The following TOX2 variants were observed in gnomAD, a reference collection of about 807,000 sequenced individuals.
The protein encoded by TOX2 is TOX high mobility group box family member 2, also known as granulosa cell HMG box 1.
A neutral mutation model predicts 47.4 loss-of-function variants in TOX2; 15 were observed. The ratio of observed to expected loss-of-function variants is 0.32; its 90% CI spans 0.21 to 0.49. The LOEUF (loss-of-function observed/expected upper bound fraction) is 0.49. Ranked by LOEUF, TOX2 falls within the 20% of genes least tolerant of loss-of-function variation. TOX2 has a pLI of 0.99. For missense variants in TOX2, 622 were observed against 673.1 expected, an observed-to-expected ratio of 0.92 and a Z score of 0.84; for synonymous variants, 290 against 296.6, an observed-to-expected ratio of 0.98 and a Z score of 0.23.
At chr20:43,996,397 A>G (rs1243178789) in intron 2 of TOX2, among the ~76,000 whole-genome samples, 1 of 152,224 alleles carries the variant, frequency 6.6e-6, no homozygotes, top group African/African-American at 2.4e-5. Flanking sequence ...TTAACGTGAC[A>G]CTGGAACAAG....
At chr20:44,066,996 G>C (rs1486146409) in intron 8 of TOX2, 139 bp downstream of exon 8, 1 of 1,262,766 alleles carries the variant, frequency 7.9e-7, no homozygotes, top group African/African-American at 1.5e-5. Flanking sequence ...TGAGGGGATC[G>C]ATATCTCAGA....
chr20:44,053,459 C>T (rs2071553571), intron 4 of TOX2, among the ~76,000 whole-genome samples: 1 of 148,172 alleles, frequency 6.7e-6, no homozygotes, highest in Non-Finnish European at 1.5e-5. Context: ...CACACACACA[C>T]ACACACACAC....
At chr20:44,026,119 G>A (rs1163382029) in intron 3 of TOX2, among the ~76,000 whole-genome samples, 1 of 151,566 alleles carries the variant, frequency 6.6e-6, no homozygotes, top group Non-Finnish European at 1.5e-5. Flanking sequence ...TTGCCCAAAA[G>A]GGGCTGGGGA....
At position 43,973,349 on chromosome 20, in the gene TOX2, CCT is replaced by C; in HGVS notation, c.100-9_100-8del. On this transcript the variant is annotated splice_polypyrimidine_tract_variant and intron_variant, in intron 1 of 8. Transcript: ENST00000341197. The stretch of plus-strand genomic sequence containing the variant: ...AGCATTTTAATCAGAGCTGCTTCTC[CCT>C]CTCTCTCTATTCTAGTTTGATGGTG... 2 of 1,613,006 alleles carry C rather than the reference CCT, an allele frequency of 1.2e-6. No individual in the cohort carries two copies. Among genetic ancestry groups the C allele is most frequent in the Non-Finnish European group, 1.7e-6 (2 of 1,179,038 alleles).
intron 3 of TOX2, among the ~76,000 whole-genome samples, chr20:44,029,040 CT>C (rs2071107983): frequency 6.6e-6 from 1 of 152,170 alleles, no homozygotes; most frequent in African/African-American, 2.4e-5. Flanking sequence ...TGATCTGCCC[CT>C]CCTGGCTCCC....
chr20:43,936,122 C>T (rs2069324930), intron 1 of TOX2, among the ~76,000 whole-genome samples: 1 of 152,164 alleles, frequency 6.6e-6, no homozygotes, highest in African/African-American at 2.4e-5. Context: ...GGCATGGCGT[C>T]TTGTCATTCC....
intron 3 of TOX2, among the ~76,000 whole-genome samples, chr20:44,040,247 G>A (rs1272376108): frequency 2.0e-5 from 3 of 152,188 alleles, no homozygotes; most frequent in Admixed American, 2.0e-4. Flanking sequence ...ATCTGTAGGT[G>A]TCTATGGAGG....
intron 3 of TOX2, among the ~76,000 whole-genome samples, chr20:44,012,092 A>AT (rs1384607245): frequency 6.6e-6 from 1 of 152,178 alleles, no homozygotes; most frequent in Non-Finnish European, 1.5e-5. Flanking sequence ...TCTGACCCTG[A>AT]TTTTCATAAC....
At chr20:43,965,505 A>T (rs965760811) in intron 1 of TOX2, among the ~76,000 whole-genome samples, 1 of 152,218 alleles carries the variant, frequency 6.6e-6, no homozygotes. Context: ...CACGCACAAG[A>T]GATCGTTCAA....
At chr20:43,917,514 G>A (rs1166812583) in intron 1 of TOX2, among the ~76,000 whole-genome samples, 1 of 152,188 alleles carries the variant, frequency 6.6e-6, no homozygotes, top group Non-Finnish European at 1.5e-5. Context: ...TCGTTGCACA[G>A]GGAGCCAGGC....
At chr20:43,954,283 T>C (rs999247659) in intron 1 of TOX2, among the ~76,000 whole-genome samples, 9 of 152,194 alleles carry the variant, frequency 5.9e-5, no homozygotes, top group South Asian at 2.1e-4. Flanking sequence ...ACAGCCTCCT[T>C]CTCTCTCTTC....
intron 2 of TOX2, among the ~76,000 whole-genome samples, chr20:44,003,550 A>G (rs1187713398): frequency 6.6e-6 from 1 of 152,198 alleles, no homozygotes; most frequent in African/African-American, 2.4e-5. Context: ...ATAGGGAGCA[A>G]AACTCATGTT....
intron 3 of TOX2, among the ~76,000 whole-genome samples, chr20:44,024,286 T>C (rs1241070859): frequency 6.6e-6 from 1 of 152,180 alleles, no homozygotes; most frequent in Non-Finnish European, 1.5e-5. Flanking sequence ...TCTGTTCACC[T>C]TTACCCAGGG....
intron 1 of TOX2, among the ~76,000 whole-genome samples, chr20:43,956,899 C>T (rs2069678097): frequency 6.6e-6 from 1 of 152,066 alleles, no homozygotes; most frequent in Non-Finnish European, 1.5e-5. Context: ...GTTTGAATCC[C>T]ATGTCTTTTT....
At chr20:44,016,691 C>T (rs78519329) in intron 3 of TOX2, among the ~76,000 whole-genome samples, 4,984 of 152,236 alleles carry the variant, frequency 0.033, 129 homozygotes, top group South Asian at 0.057. Flanking sequence ...TGAGAGCCTC[C>T]GCCTGCTGTT....
chr20:44,044,129 G>GATGA (rs372060675), intron 3 of TOX2, among the ~76,000 whole-genome samples: 99,201 of 151,408 alleles, frequency 0.66, 33,019 homozygotes, highest in East Asian at 0.79. Context: ...CCTTTGTAGG[G>GATGA]ACATGGATGA....
chr20:43,939,291 A>G (rs2069370887), intron 1 of TOX2, among the ~76,000 whole-genome samples: 1 of 152,234 alleles, frequency 6.6e-6, no homozygotes, highest in Non-Finnish European at 1.5e-5. Context: ...AATGGGGATA[A>G]TAATTGCATC....
chr20:44,028,908 T>C (rs6031304), intron 3 of TOX2, among the ~76,000 whole-genome samples: 106,601 of 152,118 alleles, frequency 0.7, 37,743 homozygotes, highest in Middle Eastern at 0.8. Context: ...ATCTGCCCCA[T>C]GTGCCTCTTG....
intron 2 of TOX2, among the ~76,000 whole-genome samples, chr20:43,999,553 C>G (rs2070539818): frequency 6.6e-6 from 1 of 152,110 alleles, no homozygotes; most frequent in South Asian, 2.1e-4. Flanking sequence ...AAACTGAAAA[C>G]TACACAACAT....
Sources: allele counts gnomAD v4.1 joint callset (sites outside exome capture counted in the v4.1 genomes callset), GRCh38; gene constraint gnomAD v4.1.1; transcripts MANE v1.5; gene names NCBI Gene and HGNC (gene_info 2026-07-23, HGNC 2026-07-21).